The following ULK4 variants were observed in gnomAD, a reference collection of about 807,000 sequenced individuals.
The protein encoded by ULK4 is unc-51 like kinase 4.
In ULK4, 133 loss-of-function variants were observed where a neutral mutation model predicts 160.6. The ratio of observed to expected loss-of-function variants is 0.83; its 90% CI spans 0.72 to 0.96. ULK4 has a LOEUF of 0.96. Among genes scored for constraint, ULK4 ranks in the 40% least tolerant of loss-of-function variants. The pLI is 0.00. For synonymous variants in ULK4, 534 were observed against 539.8 expected (o/e 0.99, Z 0.15); for missense variants, 1,580 against 1,499.5 (o/e 1.05, Z -0.89).
At position 41,325,613 on chromosome 3, in the gene ULK4, T is replaced by G. The variant is rs143267126; in HGVS notation, c.3678+72466A>C. On this transcript the variant is annotated intron_variant, in intron 35 of 36. Transcript: ENST00000301831. ...TTTTAATAAAAGGATGGATTTTATT[T>G]TATATATAAAATATATAATAGGCAG... Among the ~76,000 whole-genome samples the G allele has an allele frequency of 7.8e-3, 1,190 of 152,220 alleles. 8 individuals carry two copies. The highest frequency in any genetic ancestry group is 0.014 in the Non-Finnish European group (955 of 68,008).
chr3:41,422,931 C>G (rs1269823034), intron 34 of ULK4, among the ~76,000 whole-genome samples: 1 of 152,076 alleles, frequency 6.6e-6, no homozygotes, highest in African/African-American at 2.4e-5. Context: ...GAATGGCCAT[C>G]CATCAGAAGA....
intron 32 of ULK4, among the ~76,000 whole-genome samples, chr3:41,548,804 C>T (rs1035772755): frequency 6.6e-6 from 1 of 152,064 alleles, no homozygotes; most frequent in Non-Finnish European, 1.5e-5. Flanking sequence ...CAGGTCACTG[C>T]CGCCGCCACC....
intron 34 of ULK4, among the ~76,000 whole-genome samples, chr3:41,422,115 A>T (rs1559589322): frequency 2.0e-5 from 3 of 152,150 alleles, no homozygotes; most frequent in Non-Finnish European, 4.4e-5. Context: ...ACAGAAAAGG[A>T]GATTATATTC....
chr3:41,789,794 A>G lies in ULK4; in HGVS notation c.2060T>C (p.Ile687Thr), dbSNP rs773368298. 1.9e-6 allele frequency: 3 copies of G among 1,613,572 alleles called. No homozygotes were observed. The East Asian group carries it at 6.7e-5, about 36-fold the overall frequency. ...TACTGAGTTCAGTCCCACCTTTTCAATAACATTCTGGAAGGCAGTAGGAGA... is the reference window on the plus strand; with the variant it reads ...TACTGAGTTCAGTCCCACCTTTTCAGTAACATTCTGGAAGGCAGTAGGAGA... ...RHSPTAFQNVIEKVGLNSVIN... is the reference protein window; with the variant it reads ...RHSPTAFQNVTEKVGLNSVIN... Residue 687 changes from isoleucine (I) to threonine (T), a missense_variant, in exon 21 of 37, where the codon ATT becomes ACT. Ile to Thr is a moderately conservative substitution (Grantham distance 89, BLOSUM62 -1). Transcript: ENST00000301831.
intron 35 of ULK4, among the ~76,000 whole-genome samples, chr3:41,315,259 G>C (rs2080124732): frequency 6.6e-6 from 1 of 152,066 alleles, no homozygotes; most frequent in African/African-American, 2.4e-5. Context: ...TTTTGGCTTG[G>C]AAACTCAAAT....
At chr3:41,867,843 T>A (rs193300837) in intron 17 of ULK4, among the ~76,000 whole-genome samples, 1 of 152,372 alleles carries the variant, frequency 6.6e-6, no homozygotes, top group Admixed American at 6.5e-5. Context: ...TTACTCAGCT[T>A]TAAATATTTT....
chr3:41,559,721 T>C (rs1423562907), intron 32 of ULK4, among the ~76,000 whole-genome samples: 1 of 152,118 alleles, frequency 6.6e-6, no homozygotes, highest in East Asian at 1.9e-4. Flanking sequence ...TTTGATGGAG[T>C]TGTTTATTTT....
At chr3:41,290,822 G>A (rs1301067753) in intron 35 of ULK4, among the ~76,000 whole-genome samples, 1 of 152,186 alleles carries the variant, frequency 6.6e-6, no homozygotes, top group African/African-American at 2.4e-5. Context: ...CTGCCTGTAT[G>A]CAGGAATCCT....
chr3:41,935,519 G>A (rs901188874), intron 4 of ULK4, among the ~76,000 whole-genome samples: 5 of 151,612 alleles, frequency 3.3e-5, no homozygotes, highest in African/African-American at 1.2e-4. Context: ...GTGAGCCACC[G>A]CGCCTAGCCT....
At chr3:41,571,960 G>A (rs72860651) in intron 31 of ULK4, among the ~76,000 whole-genome samples, 2,758 of 152,294 alleles carry the variant, frequency 0.018, 90 homozygotes, top group African/African-American at 0.063. Context: ...ACACGGGCCC[G>A]AGCTGGGGCA....
chr3:41,775,591 G>A (rs2039582107), intron 21 of ULK4, among the ~76,000 whole-genome samples: 1 of 150,182 alleles, frequency 6.7e-6, no homozygotes, highest in Admixed American at 6.6e-5. Flanking sequence ...TAGAGATGGG[G>A]TTTCACTATG....
At chr3:41,902,376 G>A (rs560931480) in intron 12 of ULK4, among the ~76,000 whole-genome samples, 3 of 151,934 alleles carry the variant, frequency 2.0e-5, no homozygotes, top group Non-Finnish European at 4.4e-5. Context: ...TCAGGAGTTC[G>A]AGACCAGCCT....
Position 41,822,072 on chromosome 3 carries a change from A to G in ULK4, c.1765-2566T>C, listed in dbSNP as rs537954290. On this transcript the variant is annotated intron_variant, in intron 18 of 36. Transcript: ENST00000301831. The stretch of plus-strand genomic sequence containing the variant: ...ACTCTACTCTCCACATTTAAACCAG[A>G]ATTATCTTTTTGGCATGCAAATCAG... Among the ~76,000 whole-genome samples, 173 of 152,238 alleles carry G rather than the reference A, an allele frequency of 1.1e-3. 1 individual carries two copies. Among genetic ancestry groups the G allele is most frequent in the Non-Finnish European group, 1.8e-3 (123 of 68,008 alleles).
chr3:41,784,646 A>G (rs913584600), intron 21 of ULK4, among the ~76,000 whole-genome samples: 2 of 151,844 alleles, frequency 1.3e-5, no homozygotes, highest in African/African-American at 4.8e-5. Flanking sequence ...TGATGACACA[A>G]AATAAATCAA....
intron 31 of ULK4, among the ~76,000 whole-genome samples, chr3:41,594,867 C>T (rs2031583908): frequency 2.0e-5 from 3 of 151,940 alleles, no homozygotes. Flanking sequence ...GCTTGGACTA[C>T]GGTGAGAGTA....
chr3:41,569,600 A>G (rs1486173134), intron 31 of ULK4, among the ~76,000 whole-genome samples: 3 of 152,172 alleles, frequency 2.0e-5, no homozygotes, highest in African/African-American at 7.2e-5. Flanking sequence ...TACAACATCC[A>G]AATTTTCACA....
intron 35 of ULK4, among the ~76,000 whole-genome samples, chr3:41,274,991 C>T (rs1193211048): frequency 6.6e-6 from 1 of 152,052 alleles, no homozygotes; most frequent in Non-Finnish European, 1.5e-5. Context: ...GACATCTGTG[C>T]TCTACACTGC....
At chr3:41,652,052 T>A (rs9284876) in intron 30 of ULK4, among the ~76,000 whole-genome samples, 56,857 of 151,902 alleles carry the variant, frequency 0.37, 14,557 homozygotes, top group African/African-American at 0.73. Flanking sequence ...GATTCAAAAG[T>A]TTAAGTTGTC....
At chr3:41,717,475 TA>T in intron 23 of ULK4, among the ~76,000 whole-genome samples, 1 of 152,298 alleles carries the variant, frequency 6.6e-6, no homozygotes, top group Middle Eastern at 3.4e-3. Context: ...GTATATTTTC[TA>T]AAATGGCCAG....
Sources: allele counts gnomAD v4.1 joint callset (sites outside exome capture counted in the v4.1 genomes callset), GRCh38; gene constraint gnomAD v4.1.1; transcripts MANE v1.5; gene names NCBI Gene and HGNC (gene_info 2026-07-23, HGNC 2026-07-21).